FRMD4B: variants seen among roughly 807,000 people sequenced by gnomAD.
FRMD4B encodes FERM domain containing 4B.
A neutral mutation model predicts 141.5 loss-of-function variants in FRMD4B; 74 were observed. The observed-to-expected ratio is 0.52, with a 90% CI of 0.43 to 0.63. FRMD4B has a LOEUF of 0.63. FRMD4B is among the 30% of genes least tolerant of loss of function. The pLI is 0.00. For synonymous variants in FRMD4B, 506 were observed against 467.9 expected (o/e 1.08, Z -1.05); for missense variants, 1,366 against 1,253.4 (o/e 1.09, Z -1.36).
intron 3 of FRMD4B, among the ~76,000 whole-genome samples, chr3:69,306,188 A>G (rs1235106328): frequency 2.0e-5 from 3 of 152,222 alleles, no homozygotes; most frequent in African/African-American, 7.2e-5. Flanking sequence ...TATAAAGGTT[A>G]CTTATTGCTT....
chr3:69,511,520 T>G (rs1052904024), intron 1 of FRMD4B, among the ~76,000 whole-genome samples: 2 of 152,132 alleles, frequency 1.3e-5, no homozygotes, highest in Admixed American at 6.6e-5. Flanking sequence ...GTGGTGGCCA[T>G]GGAAACACAA....
In FRMD4B at chr3:69,495,691, TTAAG is replaced by T. The variant is rs1470904775; in HGVS notation, c.-129+46511_-129+46514del. On this transcript the variant is annotated intron_variant, in intron 1 of 5. Transcript: ENST00000459638. ...CACTCTTAGGTTGAGTGAGTAAGGATTAAGTGAGTAAATATATGTAAATATTATT... is the reference window on the plus strand; with the variant it reads ...CACTCTTAGGTTGAGTGAGTAAGGATTGAGTAAATATATGTAAATATTATT... Among the ~76,000 whole-genome samples, 9 of 152,032 alleles carry T rather than the reference TTAAG, an allele frequency of 5.9e-5. No homozygotes were observed. The South Asian group carries it at 1.7e-3, about 28-fold the overall frequency.
chr3:69,333,140 G>T (rs1575739411), intron 1 of FRMD4B, among the ~76,000 whole-genome samples: 1 of 152,060 alleles, frequency 6.6e-6, no homozygotes, highest in Non-Finnish European at 1.5e-5. Flanking sequence ...CGATGGCTCA[G>T]CCTGCCAGTC....
intron 17 of FRMD4B, among the ~76,000 whole-genome samples, chr3:69,192,814 T>A (rs2092853629): frequency 6.6e-6 from 1 of 152,044 alleles, no homozygotes; most frequent in South Asian, 2.1e-4. Flanking sequence ...TATTTTTTAA[T>A]TTTGTTCACT....
At chr3:69,216,539 C>T (rs535560351) in intron 10 of FRMD4B, among the ~76,000 whole-genome samples, 190 bp from the exon 11 acceptor site, 1 of 151,450 alleles carries the variant, frequency 6.6e-6, no homozygotes, top group Admixed American at 6.6e-5. Flanking sequence ...TGAGCAATTC[C>T]CCTGCCTCAG....
At chr3:69,230,662 C>T (rs1324019061) in intron 7 of FRMD4B, among the ~76,000 whole-genome samples, 6 of 151,784 alleles carry the variant, frequency 4.0e-5, no homozygotes, top group Non-Finnish European at 7.4e-5. Flanking sequence ...GCAGAAGAAT[C>T]GCTTGAACCT....
intron 11 of FRMD4B, among the ~76,000 whole-genome samples, chr3:69,205,456 G>T (rs1021167217): frequency 6.6e-6 from 1 of 152,006 alleles, no homozygotes; most frequent in African/African-American, 2.4e-5. Flanking sequence ...GAATCCTTCC[G>T]CCTTGGCTTC....
chr3:69,210,804 A>G (rs758803180), intron 11 of FRMD4B, among the ~76,000 whole-genome samples: 21 of 152,102 alleles, frequency 1.4e-4, no homozygotes, highest in Non-Finnish European at 2.4e-4. Flanking sequence ...ACCTGAGGTC[A>G]GGAGTTCGAG....
At chr3:69,505,602 A>G (rs1429764075) in intron 1 of FRMD4B, among the ~76,000 whole-genome samples, 6 of 152,190 alleles carry the variant, frequency 3.9e-5, no homozygotes, top group Non-Finnish European at 7.3e-5. Flanking sequence ...ATCCAGAAAA[A>G]TAATTTCTTA....
chr3:69,431,427 T>C (rs1705177379), intron 2 of FRMD4B, among the ~76,000 whole-genome samples: 1 of 152,158 alleles, frequency 6.6e-6, no homozygotes, highest in East Asian at 1.9e-4. Context: ...TATCTTCCAC[T>C]TGCCCAACAT....
chr3:69,204,336 T>C (rs2093000540), intron 11 of FRMD4B, among the ~76,000 whole-genome samples: 1 of 152,110 alleles, frequency 6.6e-6, no homozygotes, highest in African/African-American at 2.4e-5. Flanking sequence ...GGCTTCACAA[T>C]AGGCCAGGAC....
intron 1 of FRMD4B, among the ~76,000 whole-genome samples, chr3:69,350,376 G>T (rs1703099388): frequency 6.6e-6 from 1 of 152,132 alleles, no homozygotes; most frequent in South Asian, 2.1e-4. Context: ...ACTGTTGGTG[G>T]GACTGTAAAC....
At chr3:69,242,710 G>C (rs2093394881) in intron 7 of FRMD4B, among the ~76,000 whole-genome samples, 1 of 146,486 alleles carries the variant, frequency 6.8e-6, no homozygotes. Flanking sequence ...AAAAAAAAAG[G>C]CCGGGCTCGT....
At chr3:69,408,844 C>T (rs1704703623) in intron 2 of FRMD4B, among the ~76,000 whole-genome samples, 1 of 152,094 alleles carries the variant, frequency 6.6e-6, no homozygotes, top group Non-Finnish European at 1.5e-5. Flanking sequence ...CAAGTTGCAC[C>T]TGGGGACCAC....
chr3:69,413,530 C>T (rs190027904), intron 2 of FRMD4B, among the ~76,000 whole-genome samples: 92 of 152,330 alleles, frequency 6.0e-4, no homozygotes, highest in Non-Finnish European at 9.3e-4. Context: ...TCTCTCAGAA[C>T]GGTACCTGCC....
At chr3:69,418,551 C>T (rs1300086852) in intron 2 of FRMD4B, among the ~76,000 whole-genome samples, 1 of 152,224 alleles carries the variant, frequency 6.6e-6, no homozygotes, top group Admixed American at 6.5e-5. Flanking sequence ...GAAAGACGTT[C>T]TCTTGCTGTC....
intron 11 of FRMD4B, among the ~76,000 whole-genome samples, chr3:69,205,269 G>A (rs1270100754): frequency 6.6e-6 from 1 of 151,452 alleles, no homozygotes; most frequent in African/African-American, 2.4e-5. Flanking sequence ...TCTCGGGCTC[G>A]CGATCCTCTG....
chr3:69,439,893 T>A (rs9845827), intron 1 of FRMD4B, among the ~76,000 whole-genome samples: 53,790 of 152,074 alleles, frequency 0.35, 9,865 homozygotes, highest in African/African-American at 0.44. Context: ...CTTGTGGAAG[T>A]GCCTGTTAAT....
At chr3:69,249,761 A>G (rs2093449185) in intron 6 of FRMD4B, among the ~76,000 whole-genome samples, 1 of 152,144 alleles carries the variant, frequency 6.6e-6, no homozygotes, top group Non-Finnish European at 1.5e-5. Flanking sequence ...CTGCCTCCCA[A>G]ATTCAAGTAT....
Sources: gnomAD v4.1 joint callset for allele counts (sites outside exome capture counted in the v4.1 genomes callset) on GRCh38, gnomAD v4.1.1 for gene constraint, MANE v1.5 for transcripts, NCBI Gene and HGNC (gene_info 2026-07-23, HGNC 2026-07-21) for gene names.